The following C4orf54 variants were observed in gnomAD, a reference collection of about 807,000 sequenced individuals.
C4orf54 encodes the protein uncharacterized protein C4orf54.
C4orf54 carries 67 observed loss-of-function variants against 80.1 expected under a neutral mutation model. The ratio of observed to expected loss-of-function variants is 0.84; its 90% CI spans 0.69 to 1.03. The LOEUF is 1.03. Ranked by LOEUF, C4orf54 falls within the 50% of genes least tolerant of loss-of-function variation. The pLI is 0.00. For missense variants in C4orf54, 2,434 were observed against 2,253.5 expected, an observed-to-expected ratio of 1.08 and a Z score of -1.62; for synonymous variants, 1,000 against 917.0, an observed-to-expected ratio of 1.09 and a Z score of -1.64.
rs1386399290 is a variant in C4orf54 at position 99,651,576 on chromosome 4, T to C, written c.3073A>G (p.Lys1025Glu). The C allele has an allele frequency of 5.2e-6, 8 of 1,535,978 alleles. No homozygotes were observed. Among genetic ancestry groups the C allele is most frequent in the Admixed American group, 2.0e-5 (1 of 50,984 alleles). ...AGCCGGATCTTGATTTCGGGAGCCT[T>C]GGGTCTGATCACCGCTGTGGAGGTG... ...QATSTAVIRP[K>E]APEIKIRLGS... The change falls in exon 2 of 3, where the codon AAG (lysine) becomes GAG (glutamate). Residue 1025 changes from lysine to glutamate, a missense_variant. Physicochemically the swap from Lys to Glu is moderately conservative, Grantham distance 56. Coordinates refer to ENST00000511828, the MANE Select transcript of C4orf54 (RefSeq NM_001354435.2).
chr4:99,649,381 G>A lies in C4orf54; in HGVS notation c.5268C>T (p.Ala1756=). 4 of 1,536,146 alleles carry A rather than the reference G, an allele frequency of 2.6e-6. No homozygotes were observed. Among genetic ancestry groups the A allele is most frequent in the Non-Finnish European group, 3.5e-6 (4 of 1,146,928 alleles). Residue 1756 remains alanine, a synonymous_variant, in exon 2 of 3, where the codon GCC becomes GCT. Coordinates refer to ENST00000511828, the MANE Select transcript of C4orf54 (RefSeq NM_001354435.2). The part of the protein sequence containing the change: ...TSQLLGAKAF[A]QLHGKPVISI... Reference sequence around the variant, plus strand: ...TGATGACAGGCTTGCCATGCAGCTGGGCAAAGGCCTTGGCCCCTAGGAGCT... The same window carrying A: ...TGATGACAGGCTTGCCATGCAGCTGAGCAAAGGCCTTGGCCCCTAGGAGCT...
At position 99,652,856 on chromosome 4, in the gene C4orf54, C is replaced by G; in HGVS notation, c.1793G>C (p.Arg598Pro). The G allele has an allele frequency of 3.3e-6, 5 of 1,536,106 alleles. No individual in the cohort carries two copies. The highest frequency in any genetic ancestry group is 4.4e-6 in the Non-Finnish European group (5 of 1,146,902). The change falls in exon 2 of 3, where the codon CGG becomes CCG. Residue 598 changes from arginine to proline, a missense_variant. Arg to Pro is a moderately radical substitution (Grantham distance 103, BLOSUM62 -2). Coordinates refer to ENST00000511828, the MANE Select transcript of C4orf54 (RefSeq NM_001354435.2). The part of the protein sequence containing the change: ...ARLQTRCGAI[R>P]AKELVDYSSG... Reference sequence around the variant, plus strand: ...GGAGTAGTCCACCAGCTCCTTCGCCCGGATGGCCCCGCACCTGGTTTGCAG... The same window carrying G: ...GGAGTAGTCCACCAGCTCCTTCGCCGGGATGGCCCCGCACCTGGTTTGCAG...
In C4orf54 at chr4:99,653,270, C is replaced by T; in HGVS notation, c.1379G>A (p.Ser460Asn). Residue 460 changes from serine to asparagine, a missense_variant, in exon 2 of 3, where the codon AGT becomes AAT. By Grantham distance (46) the Ser-to-Asn change is conservative. Transcript: ENST00000511828. Reference sequence around the variant, plus strand: ...TTCGGTGCTGCTGGTGTCGCGGCCACTGCGGCCTGCATTGGGGCGGGCCAG... The same window carrying T: ...TTCGGTGCTGCTGGTGTCGCGGCCATTGCGGCCTGCATTGGGGCGGGCCAG... ...SDLARPNAGR[S>N]GRDTSSTEVG... 1.3e-6 allele frequency: 2 copies of T among 1,530,522 alleles called. No individual in the cohort carries two copies. Among genetic ancestry groups the T allele is most frequent in the Non-Finnish European group, 1.7e-6 (2 of 1,143,236 alleles). 94.8% of individuals were successfully genotyped at this position (1,530,522 alleles called of 1,614,324 possible). A position where few individuals can be genotyped will look rare whatever the true frequency, so the allele number is the denominator to read the frequency against.
In C4orf54 at chr4:99,650,546, C is replaced by T. The variant is rs374701179; in HGVS notation, c.4103G>A (p.Arg1368Gln). The T allele has an allele frequency of 2.0e-6, 3 of 1,536,000 alleles. No individual in the cohort carries two copies. Among genetic ancestry groups the T allele is most frequent in the African/African-American group, 2.7e-5 (2 of 73,136 alleles). ...AFENLARERPRSLYIPPVHKD... is the reference protein window; with the variant it reads ...AFENLARERPQSLYIPPVHKD... ...GTGGACTGGGGGAATATAGAGAGAT[C>T]GGGGTCTTTCCCTGGCCAGGTTCTC... is the stretch of plus-strand genomic sequence containing the variant. The change falls in exon 2 of 3, where the codon CGA (arginine) becomes CAA (glutamine). Residue 1368 changes from arginine (R) to glutamine (Q), a missense_variant. Physicochemically the swap from Arg to Gln is conservative, Grantham distance 43. Coordinates refer to ENST00000511828, the MANE Select transcript of C4orf54 (RefSeq NM_001354435.2).
In C4orf54 at chr4:99,652,136, G is replaced by A; in HGVS notation, c.2513C>T (p.Ser838Phe). ...KMERGEVMDT[S>F]HHLSGTSKET... ...CTTGGAGGTGCCTGAGAGGTGGTGG[G>A]ATGTATCCATGACTTCTCCCCTCTC... The change falls in exon 2 of 3, where the codon TCC (serine) becomes TTC (phenylalanine). Residue 838 changes from serine (S) to phenylalanine (F), a missense_variant. Transcript: ENST00000511828. 1 of 1,536,102 alleles carries A rather than the reference G, an allele frequency of 6.5e-7. No individual in the cohort carries two copies. Among genetic ancestry groups the A allele is most frequent in the Non-Finnish European group, 8.7e-7 (1 of 1,146,876 alleles).
In C4orf54 at chr4:99,649,905, G is replaced by A. The variant is rs1364519804; in HGVS notation, c.4744C>T (p.Pro1582Ser). ...AQPQVLCFSP[P>S]SMPAPAPAAS... Reference sequence around the variant, plus strand: ...GCAGGTGCTGGGGCAGGCATGCTGGGTGGGGAGAAGCAGAGGACCTGAGGC... The same window carrying A: ...GCAGGTGCTGGGGCAGGCATGCTGGATGGGGAGAAGCAGAGGACCTGAGGC... The change falls in exon 2 of 3, where the codon CCC becomes TCC. Residue 1582 changes from proline (P) to serine (S), a missense_variant. Coordinates refer to ENST00000511828, the MANE Select transcript of C4orf54 (RefSeq NM_001354435.2). 5.9e-6 allele frequency: 9 copies of A among 1,529,210 alleles called. No individual in the cohort carries two copies. In the East Asian group the frequency reaches 2.2e-4, roughly 38 times the overall value. 94.7% of individuals were successfully genotyped at this position (1,529,210 alleles called of 1,614,324 possible).
chr4:99,649,135 C>T, intron 2 of C4orf54, 96 bp downstream of exon 2: 2 of 1,146,904 alleles, frequency 1.7e-6, no homozygotes, highest in South Asian at 3.5e-5. Context: ...TTTCTAGAGA[C>T]AGCCTCCTTT....
chr4:99,644,537 T>A (rs183690494), intron 2 of C4orf54, among the ~76,000 whole-genome samples: 2 of 152,220 alleles, frequency 1.3e-5, no homozygotes, highest in Non-Finnish European at 2.9e-5. Flanking sequence ...ATTCAATTCA[T>A]GAAGGTAACT....
At chr4:99,646,558 A>G (rs1726704479) in intron 2 of C4orf54, among the ~76,000 whole-genome samples, 1 of 152,174 alleles carries the variant, frequency 6.6e-6, no homozygotes, top group African/African-American at 2.4e-5. Context: ...AGTGGTCTGC[A>G]GGGAGCAAGG....
In C4orf54 at chr4:99,649,234, C is replaced by A. The variant is rs1726750528; in HGVS notation, c.*33G>T. On this transcript the variant is annotated 3_prime_UTR_variant, in exon 2 of 3. Coordinates refer to ENST00000511828, the MANE Select transcript of C4orf54 (RefSeq NM_001354435.2). ...TATCAAAGTGAAATTCACTTACCAG[C>A]AGTTTTTCATTCCGCTTCCTGGTGG... is the stretch of plus-strand genomic sequence containing the variant. The A allele has an allele frequency of 6.8e-7, 1 of 1,467,880 alleles. No homozygotes were observed. The highest frequency in any genetic ancestry group is 2.5e-5 in the East Asian group (1 of 40,168). 90.9% of individuals were successfully genotyped at this position (1,467,880 alleles called of 1,614,324 possible).
Position 99,650,489 on chromosome 4 carries a change from G to A in C4orf54, c.4160C>T (p.Pro1387Leu). The A allele has an allele frequency of 6.5e-7, 1 of 1,536,112 alleles. No individual in the cohort carries two copies. The highest frequency in any genetic ancestry group is 1.2e-5 in the South Asian group (1 of 84,062). The change falls in exon 2 of 3, where the codon CCC (proline) becomes CTC (leucine). Residue 1387 changes from proline (P) to leucine (L), a missense_variant. Transcript: ENST00000511828. ...KDVERTQPLQ[P>L]LPPLPSNRNV... ...CCGGTTGCTGGGGAGTGGTGGGAGG[G>A]GCTGCAGGGGTTGGGTTCTCTCTAC...
At position 99,654,478 on chromosome 4, in the gene C4orf54, G is replaced by C. The variant is rs773931051; in HGVS notation, c.171C>G (p.Pro57=). The C allele has an allele frequency of 7.1e-6, 5 of 706,418 alleles. No individual in the cohort carries two copies. The South Asian group carries it at 7.4e-5, about 10-fold the overall frequency. 43.8% of individuals were successfully genotyped at this position (706,418 alleles called of 1,614,324 possible). A position where few individuals can be genotyped will look rare whatever the true frequency, so the allele number is the denominator to read the frequency against. The part of the protein sequence containing the change: ...LATVSAGAAA[P]QPQTTSTASS... ...AGGCGGTGGAGGTGGTCTGTGGCTGGGGGGCTGCTGCTCCGGCCGAGACTG... is the reference window on the plus strand; with the variant it reads ...AGGCGGTGGAGGTGGTCTGTGGCTGCGGGGCTGCTGCTCCGGCCGAGACTG... Residue 57 remains proline, a synonymous_variant, in exon 2 of 3, where the codon CCC becomes CCG. Transcript: ENST00000511828.
chr4:99,650,983 A>C lies in C4orf54; in HGVS notation c.3666T>G (p.Ile1222Met), dbSNP rs1164507142. Residue 1222 changes from isoleucine to methionine, a missense_variant, in exon 2 of 3, where the codon ATT (isoleucine) becomes ATG (methionine). By Grantham distance (10) the Ile-to-Met change is conservative. Coordinates refer to ENST00000511828, the MANE Select transcript of C4orf54 (RefSeq NM_001354435.2). ...TCTTCTGGGTGGAAGCCTTGGAGAC[A>C]ATCTTGAGCACAGGCAGGTATGAGC... Reference protein sequence around the residue: ...EQGSYLPVLKIVSKASTQKTP... With the variant: ...EQGSYLPVLKMVSKASTQKTP... 2.6e-6 allele frequency: 4 copies of C among 1,535,984 alleles called. No individual in the cohort carries two copies. The Admixed American group carries it at 7.8e-5, about 30-fold the overall frequency.
chr4:99,650,495 A>G lies in C4orf54; in HGVS notation c.4154T>C (p.Leu1385Pro). The G allele has an allele frequency of 2.0e-6, 3 of 1,536,046 alleles. No individual in the cohort carries two copies. The highest frequency in any genetic ancestry group is 2.6e-6 in the Non-Finnish European group (3 of 1,146,870). Residue 1385 changes from leucine (L) to proline (P), a missense_variant, in exon 2 of 3, where the codon CTG becomes CCG. Coordinates refer to ENST00000511828, the MANE Select transcript of C4orf54 (RefSeq NM_001354435.2). ...VHKDVERTQP[L>P]QPLPPLPSNR... ...GCTGGGGAGTGGTGGGAGGGGCTGC[A>G]GGGGTTGGGTTCTCTCTACATCCTT...
In C4orf54 at chr4:99,638,868, T is replaced by C. The variant is rs1180303947; in HGVS notation, c.*2365A>G. ...ATGACATGATATTAATAGAACATTATTTAAAAGTTGCGTTTTTAGCCACTT... is the reference window on the plus strand; with the variant it reads ...ATGACATGATATTAATAGAACATTACTTAAAAGTTGCGTTTTTAGCCACTT... On this transcript the variant is annotated 3_prime_UTR_variant, in exon 3 of 3. Coordinates refer to ENST00000511828, the MANE Select transcript of C4orf54 (RefSeq NM_001354435.2). 1 of 152,104 alleles carries C rather than the reference T, an allele frequency of 6.6e-6. No homozygotes were observed. The highest frequency in any genetic ancestry group is 2.4e-5 in the African/African-American group (1 of 41,448). 9.4% of individuals were successfully genotyped at this position (152,104 alleles called of 1,614,324 possible).
intron 2 of C4orf54, among the ~76,000 whole-genome samples, chr4:99,645,327 T>C (rs1726682677): frequency 7.0e-6 from 1 of 142,566 alleles, no homozygotes; most frequent in African/African-American, 2.7e-5. Flanking sequence ...GAAATAACTC[T>C]GAGGGACTAA....
chr4:99,651,244 G>T lies in C4orf54; in HGVS notation c.3405C>A (p.Pro1135=), dbSNP rs1162128429. The change falls in exon 2 of 3, where the codon CCC becomes CCA. Residue 1135 remains proline (P), a synonymous_variant. Coordinates refer to ENST00000511828, the MANE Select transcript of C4orf54 (RefSeq NM_001354435.2). The stretch of plus-strand genomic sequence containing the variant: ...CGCCAGCTGCTGCAGACAGCTGCCT[G>T]GGTTTGGGTCCAGTCAGCCCCTGCT... ...TPEQGLTGPK[P]RQLSAAAGGS... The T allele has an allele frequency of 6.5e-7, 1 of 1,536,140 alleles. No individual in the cohort carries two copies. The highest frequency in any genetic ancestry group is 1.4e-5 in the African/African-American group (1 of 73,158).
Position 99,651,878 on chromosome 4 carries a change from A to G in C4orf54, c.2771T>C (p.Ile924Thr), listed in dbSNP as rs1410558995. ...GACGGTCTCTGAGGCACTCTTTTTA[A>G]TTTCACACACTTCTGTGTGTCCATC... ...FTDGHTEVCE[I>T]KKSASETVKG... Residue 924 changes from isoleucine to threonine, a missense_variant, in exon 2 of 3, where the codon ATT (isoleucine) becomes ACT (threonine). Ile to Thr is a moderately conservative substitution (Grantham distance 89). Transcript: ENST00000511828. 3.3e-6 allele frequency: 5 copies of G among 1,535,784 alleles called. No individual in the cohort carries two copies. In the African/African-American group the frequency reaches 6.9e-5, roughly 21 times the overall value.
Position 99,652,134 on chromosome 4 carries a change from G to A in C4orf54, c.2515C>T (p.His839Tyr), listed in dbSNP as rs991363191. 1.3e-6 allele frequency: 2 copies of A among 1,535,968 alleles called. No individual in the cohort carries two copies. The highest frequency in any genetic ancestry group is 2.7e-5 in the African/African-American group (2 of 73,046). The part of the protein sequence containing the change: ...MERGEVMDTS[H>Y]HLSGTSKETE... Reference sequence around the variant, plus strand: ...TCCTTGGAGGTGCCTGAGAGGTGGTGGGATGTATCCATGACTTCTCCCCTC... The same window carrying A: ...TCCTTGGAGGTGCCTGAGAGGTGGTAGGATGTATCCATGACTTCTCCCCTC... Residue 839 changes from histidine (H) to tyrosine (Y), a missense_variant, in exon 2 of 3, where the codon CAC (histidine) becomes TAC (tyrosine). His to Tyr is a moderately conservative substitution (Grantham distance 83). Transcript: ENST00000511828.
Sources: allele counts gnomAD v4.1 joint callset (sites outside exome capture counted in the v4.1 genomes callset), GRCh38; gene constraint gnomAD v4.1.1; transcripts MANE v1.5; gene names NCBI Gene and HGNC (gene_info 2026-07-23, HGNC 2026-07-21).